The following BMPER variants were observed in gnomAD, a reference collection of about 807,000 sequenced individuals.
BMPER encodes BMP-binding endothelial regulator protein.
Under a neutral mutation model 87.3 loss-of-function variants are expected in BMPER, and 45 were observed. The observed-to-expected ratio is 0.52, with a 90% CI of 0.41 to 0.66. The LOEUF (loss-of-function observed/expected upper bound fraction) is 0.66. BMPER is among the 30% of genes least tolerant of loss of function. BMPER has a pLI of 0.00. For missense variants in BMPER, 784 were observed against 867.5 expected (o/e 0.90, Z 1.21); for synonymous variants, 326 against 316.2 (o/e 1.03, Z -0.33).
At chr7:34,137,649 G>C (rs547957648) in intron 13 of BMPER, among the ~76,000 whole-genome samples, 6 of 152,300 alleles carry the variant, frequency 3.9e-5, no homozygotes, top group African/African-American at 1.4e-4. Flanking sequence ...GCACCACTGA[G>C]GAATTTGAAT....
chr7:34,127,245 T>C (rs1790429160), intron 13 of BMPER, among the ~76,000 whole-genome samples: 1 of 152,174 alleles, frequency 6.6e-6, no homozygotes, highest in Non-Finnish European at 1.5e-5. Flanking sequence ...GGTCTCTGTT[T>C]TGCAGAGAAT....
intron 11 of BMPER, among the ~76,000 whole-genome samples, chr7:34,071,971 C>T (rs563401883): frequency 1.3e-5 from 2 of 152,240 alleles, no homozygotes; most frequent in East Asian, 3.9e-4. Flanking sequence ...CTCTGTGACC[C>T]CAGCTAGTTA....
At chr7:33,933,641 C>A (rs1784533281) in intron 2 of BMPER, among the ~76,000 whole-genome samples, 1 of 152,060 alleles carries the variant, frequency 6.6e-6, no homozygotes, top group Non-Finnish European at 1.5e-5. Context: ...TTCCTTGTTA[C>A]CAGAAAACAG....
chr7:34,129,696 A>G (rs1160260583), intron 13 of BMPER, among the ~76,000 whole-genome samples: 1 of 131,266 alleles, frequency 7.6e-6, no homozygotes, highest in African/African-American at 2.9e-5. Flanking sequence ...CTGCCATATT[A>G]TAATTTAGGC....
chr7:34,095,672 C>A (rs1421253279), intron 13 of BMPER, among the ~76,000 whole-genome samples: 2 of 152,194 alleles, frequency 1.3e-5, no homozygotes, highest in African/African-American at 2.4e-5. Flanking sequence ...TCCCTTTTCC[C>A]AGGAGTTATC....
chr7:34,054,901 A>G (rs1489579604), intron 8 of BMPER, among the ~76,000 whole-genome samples: 1 of 152,186 alleles, frequency 6.6e-6, no homozygotes, highest in Non-Finnish European at 1.5e-5. Flanking sequence ...TGGGCTCATC[A>G]GTCTCTGGAA....
chr7:33,924,247 T>G (rs571189333), intron 2 of BMPER, among the ~76,000 whole-genome samples: 6 of 152,232 alleles, frequency 3.9e-5, no homozygotes, highest in Non-Finnish European at 8.8e-5. Context: ...GTCTTGAAAA[T>G]AAGTTGGATT....
intron 3 of BMPER, among the ~76,000 whole-genome samples, chr7:33,964,928 C>T (rs1785366672): frequency 6.6e-6 from 1 of 152,160 alleles, no homozygotes; most frequent in South Asian, 2.1e-4. Flanking sequence ...GATTTCCCTG[C>T]CTCCATCTCT....
At chr7:34,009,674 G>A (rs1159866974) in intron 6 of BMPER, among the ~76,000 whole-genome samples, 1 of 151,926 alleles carries the variant, frequency 6.6e-6, no homozygotes, top group Non-Finnish European at 1.5e-5. Context: ...TTTGGAAGAG[G>A]GGAGGCATCC....
chr7:33,943,340 A>G (rs1784811732), intron 3 of BMPER, among the ~76,000 whole-genome samples: 1 of 152,246 alleles, frequency 6.6e-6, no homozygotes, highest in Non-Finnish European at 1.5e-5. Context: ...ACATCAAAAA[A>G]CAAAAAACCT....
intron 13 of BMPER, among the ~76,000 whole-genome samples, chr7:34,115,167 G>A (rs1790078709): frequency 1.3e-5 from 2 of 152,192 alleles, no homozygotes; most frequent in South Asian, 2.1e-4. Flanking sequence ...TTCCAGTAGA[G>A]GACATTAAAT....
chr7:33,926,846 A>T lies in BMPER; in HGVS notation c.220-10443A>T, dbSNP rs181611015. 3.2e-3 allele frequency among the ~76,000 whole-genome samples: 485 copies of T among 152,332 alleles called. 5 individuals carry two copies. Among genetic ancestry groups the T allele is most frequent in the Non-Finnish European group, 5.2e-3 (354 of 68,034 alleles). On this transcript the variant is annotated intron_variant, in intron 2 of 14. Transcript: ENST00000649409. Reference sequence around the variant, plus strand: ...TCCTATTCCCTTGCTTCCCTACCTGACATTACTTGGGCTAACTGGACAACC... The same window carrying T: ...TCCTATTCCCTTGCTTCCCTACCTGTCATTACTTGGGCTAACTGGACAACC...
intron 2 of BMPER, among the ~76,000 whole-genome samples, chr7:33,925,543 A>G (rs1470130568): frequency 6.6e-6 from 1 of 152,212 alleles, no homozygotes; most frequent in Non-Finnish European, 1.5e-5. Flanking sequence ...TGGTAGCATG[A>G]TAATTATTGG....
chr7:33,940,042 G>C (rs1784715265), intron 3 of BMPER: 1 of 240,790 alleles, frequency 4.2e-6, no homozygotes, highest in Admixed American at 4.4e-5. Flanking sequence ...TTTTTAATTG[G>C]AATTGTAACT....
chr7:33,970,032 A>G (rs1242125324), intron 4 of BMPER, among the ~76,000 whole-genome samples: 1 of 152,220 alleles, frequency 6.6e-6, no homozygotes, highest in Admixed American at 6.5e-5. Context: ...TCTGTTGGGT[A>G]CTTACTGACA....
intron 6 of BMPER, among the ~76,000 whole-genome samples, chr7:33,985,220 T>A (rs896909748): frequency 6.6e-6 from 1 of 152,260 alleles, no homozygotes; most frequent in Non-Finnish European, 1.5e-5. Flanking sequence ...CTACTGTTAA[T>A]ATGATTTGAT....
chr7:33,921,686 A>G, intron 2 of BMPER: 1 of 465,758 alleles, frequency 2.1e-6, no homozygotes, highest in Non-Finnish European at 4.5e-6. Context: ...ATGGATTCCC[A>G]CAGGGATACG....
At chr7:33,962,384 T>A (rs749840402) in intron 3 of BMPER, among the ~76,000 whole-genome samples, 29 of 152,186 alleles carry the variant, frequency 1.9e-4, no homozygotes, top group Non-Finnish European at 3.1e-4. Context: ...TGTTGTATTA[T>A]TTTAGATGTA....
chr7:34,058,536 G>A (rs1451849112), intron 10 of BMPER, among the ~76,000 whole-genome samples: 1 of 152,062 alleles, frequency 6.6e-6, no homozygotes, highest in Non-Finnish European at 1.5e-5. Flanking sequence ...TCCTCTTATA[G>A]CCATTCAAAG....
Sources: gnomAD v4.1 joint callset for allele counts (sites outside exome capture counted in the v4.1 genomes callset) on GRCh38, gnomAD v4.1.1 for gene constraint, MANE v1.5 for transcripts, NCBI Gene and HGNC (gene_info 2026-07-23, HGNC 2026-07-21) for gene names.